POLR3C: variants seen among roughly 807,000 people sequenced by gnomAD.
The protein encoded by POLR3C is DNA-directed RNA polymerase III subunit RPC3.
In POLR3C, 44 loss-of-function variants were observed where a neutral mutation model predicts 65.9. The observed-to-expected ratio is 0.67, with a 90% confidence interval of 0.52 to 0.86. POLR3C has a LOEUF of 0.86. POLR3C is among the 40% of genes least tolerant of loss of function. POLR3C has a pLI of 0.00. For missense variants in POLR3C, 576 were observed against 653.2 expected, an observed-to-expected ratio of 0.88 and a Z score of 1.29; for synonymous variants, 263 against 231.6, an observed-to-expected ratio of 1.14 and a Z score of -1.23.
chr1:145,824,324 C>T lies in POLR3C; in HGVS notation c.-66C>T, dbSNP rs1650510463. On this transcript the variant is annotated 5_prime_UTR_variant, in exon 1 of 15. Coordinates refer to ENST00000334163, the MANE Select transcript of POLR3C (RefSeq NM_006468.8). ...AGCCGTAGGAAGCCGTCGCGGGAAG[C>T]TCAGCCGAATTGGAGTTGGAGCCCC... The T allele has an allele frequency of 2.5e-4, 79 of 318,556 alleles. 1 individual carries two copies. Among genetic ancestry groups the T allele is most frequent in the South Asian group, 1.9e-3 (79 of 41,472 alleles). 19.7% of individuals were successfully genotyped at this position (318,556 alleles called of 1,614,324 possible). A position where few individuals can be genotyped will look rare whatever the true frequency, so the allele number is the denominator to read the frequency against.
At position 145,826,487 on chromosome 1, in the gene POLR3C, A is replaced by G. The variant is rs1650757177; in HGVS notation, c.181A>G (p.Asn61Asp). The G allele has an allele frequency of 1.9e-5, 30 of 1,613,570 alleles. No homozygotes were observed. The highest frequency in any genetic ancestry group is 2.5e-5 in the Non-Finnish European group (30 of 1,179,910). The change falls in exon 3 of 15, where the codon AAC (asparagine) becomes GAC (aspartate). Residue 61 changes from asparagine (N) to aspartate (D), a missense_variant. Coordinates refer to ENST00000334163, the MANE Select transcript of POLR3C (RefSeq NM_006468.8). The stretch of plus-strand genomic sequence containing the variant: ...AGCCCTGTGTGTCCTCGTCCAACAT[A>G]ACCTGGTGAGTTATCAAGTGCACAA... ...KKALCVLVQH[N>D]LVSYQVHKRG...
At chr1:145,827,116 C>A in intron 4 of POLR3C, 111 bp downstream of exon 4, 1 of 884,816 alleles carries the variant, frequency 1.1e-6, no homozygotes, top group Non-Finnish European at 1.8e-6. Flanking sequence ...ATGTGCCAGA[C>A]ATCGTGGTGT....
rs995029975 is a variant in POLR3C, at chr1:145,826,434, T to G, written c.148-20T>G. 1 of 1,609,058 alleles carries G rather than the reference T, an allele frequency of 6.2e-7. No individual in the cohort carries two copies. ...ATCTTCAGGTCTTTCCTCTCTTTCT[T>G]CTCTTTATGTTCCATTTAGGTGAAG... On this transcript the variant is annotated intron_variant, in intron 2 of 14. Coordinates refer to ENST00000334163, the MANE Select transcript of POLR3C (RefSeq NM_006468.8).
intron 7 of POLR3C, 108 bp downstream of exon 7, chr1:145,833,690 AG>A: frequency 1.3e-6 from 1 of 747,110 alleles, no homozygotes; most frequent in Non-Finnish European, 2.4e-6. Context: ...TTGAAAGAGA[AG>A]GGCATTTGAT....
At chr1:145,841,478 G>T (rs183770155) in intron 14 of POLR3C, among the ~76,000 whole-genome samples, 59 of 152,276 alleles carry the variant, frequency 3.9e-4, no homozygotes, top group African/African-American at 1.4e-3. Context: ...TGGTCCACAC[G>T]CAGGCCTTCA....
Position 145,828,838 on chromosome 1 carries a change from G to GTAA in POLR3C, c.678+3_678+5dup. The GTAA allele has an allele frequency of 6.6e-7, 1 of 1,521,514 alleles. No individual in the cohort carries two copies. The highest frequency in any genetic ancestry group is 2.3e-5 in the East Asian group (1 of 44,420). 94.3% of individuals were successfully genotyped at this position (1,521,514 alleles called of 1,614,324 possible). A position where few individuals can be genotyped will look rare whatever the true frequency, so the allele number is the denominator to read the frequency against. ...AAAATATACTACAGATAACAAGGAG[G>GTAA]TAATGGGGCTTCTTGATTAGAAGTC... On this transcript the variant is annotated splice_donor_variant, in intron 5 of 14. Coordinates refer to ENST00000334163, the MANE Select transcript of POLR3C (RefSeq NM_006468.8). LOFTEE classifies it high-confidence loss of function.
intron 7 of POLR3C, among the ~76,000 whole-genome samples, chr1:145,835,175 G>A (rs1285786621): frequency 1.4e-5 from 2 of 145,228 alleles, no homozygotes; most frequent in Non-Finnish European, 3.0e-5. Flanking sequence ...AAGGCCGGAC[G>A]CAGCAGCTCA....
intron 4 of POLR3C, among the ~76,000 whole-genome samples, chr1:145,827,547 C>T (rs1650873984): frequency 6.6e-6 from 1 of 151,978 alleles, no homozygotes; most frequent in South Asian, 2.1e-4. Flanking sequence ...ATCACGAGGT[C>T]AGGAGATCGA....
At chr1:145,838,292 C>A in intron 11 of POLR3C, 86 bp downstream of exon 11, 2 of 990,982 alleles carry the variant, frequency 2.0e-6, no homozygotes, top group Non-Finnish European at 3.1e-6. Context: ...ACTGAACCCC[C>A]AAGCAAACTC....
intron 4 of POLR3C, among the ~76,000 whole-genome samples, chr1:145,827,674 G>A (rs1553726184): frequency 1.3e-5 from 2 of 151,322 alleles, no homozygotes; most frequent in African/African-American, 4.9e-5. Context: ...CAGGAAAATA[G>A]CATGAACCCG....
At chr1:145,832,674 G>C (rs1274862818) in intron 5 of POLR3C, among the ~76,000 whole-genome samples, 1 of 152,184 alleles carries the variant, frequency 6.6e-6, no homozygotes, top group Non-Finnish European at 1.5e-5. Flanking sequence ...TCTGCCGAGA[G>C]TGAGAAGGAA....
chr1:145,840,430 C>T (rs1652203638), intron 13 of POLR3C: 1 of 407,464 alleles, frequency 2.5e-6, no homozygotes, highest in African/African-American at 2.0e-5. Flanking sequence ...GTCCCAGCTA[C>T]TCGGGAGGCT....
intron 11 of POLR3C, 80 bp from the exon 12 acceptor site, chr1:145,839,810 C>T (rs1553729880): frequency 2.6e-6 from 2 of 775,770 alleles, no homozygotes; most frequent in East Asian, 2.4e-5. Flanking sequence ...GGCTAAGTAA[C>T]TCCAGGTAGA....
In POLR3C at chr1:145,824,369, G is replaced by A; in HGVS notation, c.-21G>A. On this transcript the variant is annotated splice_region_variant and 5_prime_UTR_variant, in exon 1 of 15. Transcript: ENST00000334163. ...AGCCCCCGGATTGCGCTGACCCTGAGGTTAGTGGAAAATGCTGTCTGAACG... is the reference window on the plus strand; with the variant it reads ...AGCCCCCGGATTGCGCTGACCCTGAAGTTAGTGGAAAATGCTGTCTGAACG... 2.5e-6 allele frequency: 1 copy of A among 399,324 alleles called. No individual in the cohort carries two copies. The highest frequency in any genetic ancestry group is 4.9e-6 in the Non-Finnish European group (1 of 203,092). 24.7% of individuals were successfully genotyped at this position (399,324 alleles called of 1,614,324 possible).
In POLR3C at chr1:145,842,788, A is replaced by G. The variant is rs373544853; in HGVS notation, c.*368A>G. Among the ~76,000 whole-genome samples, 60 of 93,948 alleles carry G rather than the reference A, an allele frequency of 6.4e-4. No homozygotes were observed. The East Asian group carries it at 0.012, about 19-fold the overall frequency. 61.6% of individuals were successfully genotyped at this position (93,948 alleles called of 152,430 possible). On this transcript the variant is annotated 3_prime_UTR_variant, in exon 15 of 15. Transcript: ENST00000334163. ...TATGCCTGTTCTTTATTTTGTTGAG[A>G]TAGGTGATAGATAGATAGATAGATA... is the stretch of plus-strand genomic sequence containing the variant.
Position 145,844,189 on chromosome 1 carries a change from A to G in POLR3C, c.*1769A>G, listed in dbSNP as rs587765677. Among the ~76,000 whole-genome samples the G allele has an allele frequency of 2.0e-5, 3 of 152,334 alleles. No homozygotes were observed. The highest frequency in any genetic ancestry group is 1.9e-4 in the East Asian group (1 of 5,188). ...TATATCTCCAAAAGGAAAGAAATCA[A>G]TGTATCAAAAAGATACCTGCACTCC... On this transcript the variant is annotated 3_prime_UTR_variant, in exon 15 of 15. Coordinates refer to ENST00000334163, the MANE Select transcript of POLR3C (RefSeq NM_006468.8).
At chr1:145,838,677 A>C (rs1480182885) in intron 11 of POLR3C, among the ~76,000 whole-genome samples, 1 of 151,938 alleles carries the variant, frequency 6.6e-6, no homozygotes, top group Non-Finnish European at 1.5e-5. Context: ...ACAGAGTGAG[A>C]CTCTGTCTCA....
intron 5 of POLR3C, 29 bp downstream of exon 5, chr1:145,828,866 C>A: frequency 8.3e-7 from 1 of 1,210,842 alleles, no homozygotes; most frequent in Non-Finnish European, 1.2e-6. Context: ...TAGAAGTCCT[C>A]ACCCTGAAGC....
intron 5 of POLR3C, among the ~76,000 whole-genome samples, chr1:145,832,759 C>T (rs782738778): frequency 6.6e-5 from 10 of 152,138 alleles, no homozygotes; most frequent in Non-Finnish European, 1.3e-4. Context: ...TGTGGTGGCT[C>T]ACACCTATAA....
Sources: allele counts gnomAD v4.1 joint callset (sites outside exome capture counted in the v4.1 genomes callset), GRCh38; gene constraint gnomAD v4.1.1; transcripts MANE v1.5; gene names NCBI Gene and HGNC (gene_info 2026-07-23, HGNC 2026-07-21).